The following TFCP2 variants were observed in gnomAD, a reference collection of about 807,000 sequenced individuals.
TFCP2 encodes alpha-globin transcription factor CP2.
In TFCP2, 33 loss-of-function variants were observed where a neutral mutation model predicts 73.4. The ratio of observed to expected loss-of-function variants is 0.45; its 90% confidence interval spans 0.34 to 0.60. The LOEUF (loss-of-function observed/expected upper bound fraction) is 0.60. TFCP2 is among the 20% of genes least tolerant of loss of function. TFCP2 has a pLI of 0.01. For missense variants in TFCP2, 352 were observed against 604.0 expected (o/e 0.58, Z 4.37); for synonymous variants, 193 against 211.6 (o/e 0.91, Z 0.76).
chr12:51,099,142 C>A (rs758377088), intron 12 of TFCP2, among the ~76,000 whole-genome samples: 1 of 151,964 alleles, frequency 6.6e-6, no homozygotes, highest in Non-Finnish European at 1.5e-5. Context: ...TAAAATCCTC[C>A]GCAAAGAGGA....
rs530509951 is a variant in TFCP2, at chr12:51,126,182, G to A, written c.123-7410C>T. Among the ~76,000 whole-genome samples the A allele has an allele frequency of 9.4e-5, 13 of 138,110 alleles. No individual in the cohort carries two copies. The East Asian group carries it at 2.3e-3, about 25-fold the overall frequency. The allele number at this position is 138,110 out of a possible 152,430, so 90.6% of individuals were successfully genotyped here. A position where few individuals can be genotyped will look rare whatever the true frequency, so the allele number is the denominator to read the frequency against. On this transcript the variant is annotated intron_variant, in intron 1 of 14. Coordinates refer to ENST00000257915, the MANE Select transcript of TFCP2 (RefSeq NM_005653.5). The stretch of plus-strand genomic sequence containing the variant: ...CGGGAGGCGGAGCTTGTAGTGAGCC[G>A]AGATTGCGCTACTGCACTCCAGCCT...
chr12:51,136,692 T>G (rs1423475023), intron 1 of TFCP2, among the ~76,000 whole-genome samples: 2 of 152,106 alleles, frequency 1.3e-5, no homozygotes, highest in Non-Finnish European at 2.9e-5. Context: ...TCCCAGCACT[T>G]TGGGAGGCCA....
At chr12:51,099,388 G>C (rs745525087) in intron 12 of TFCP2, among the ~76,000 whole-genome samples, 1 of 150,930 alleles carries the variant, frequency 6.6e-6, no homozygotes, top group Non-Finnish European at 1.5e-5. Context: ...TGAGGGGAGA[G>C]AATCACTTGA....
intron 1 of TFCP2, among the ~76,000 whole-genome samples, chr12:51,168,291 C>T (rs916383268): frequency 6.6e-6 from 1 of 151,968 alleles, no homozygotes; most frequent in African/African-American, 2.4e-5. Flanking sequence ...AGGTGCACTC[C>T]AGCCTAGGGG....
intron 1 of TFCP2, among the ~76,000 whole-genome samples, chr12:51,150,221 C>T (rs1941391703): frequency 6.6e-6 from 1 of 152,030 alleles, no homozygotes; most frequent in South Asian, 2.1e-4. Context: ...AGTTTGAGAC[C>T]AGCCTGGCCA....
intron 1 of TFCP2, among the ~76,000 whole-genome samples, chr12:51,129,351 A>C (rs1224762524): frequency 6.6e-6 from 1 of 151,974 alleles, no homozygotes; most frequent in Non-Finnish European, 1.5e-5. Flanking sequence ...ATCTCTACTA[A>C]AAATACAAAA....
intron 1 of TFCP2, among the ~76,000 whole-genome samples, chr12:51,140,897 A>G (rs1007203509): frequency 5.3e-5 from 8 of 151,914 alleles, no homozygotes; most frequent in Non-Finnish European, 1.0e-4. Context: ...CTCTACTAAA[A>G]ATACAAAAAT....
At chr12:51,158,293 A>G (rs1941579937) in intron 1 of TFCP2, among the ~76,000 whole-genome samples, 1 of 152,094 alleles carries the variant, frequency 6.6e-6, no homozygotes, top group African/African-American at 2.4e-5. Context: ...TTACAGGTAT[A>G]AGCCACCATG....
At chr12:51,149,495 G>C (rs190988341) in intron 1 of TFCP2, among the ~76,000 whole-genome samples, 18 of 152,298 alleles carry the variant, frequency 1.2e-4, no homozygotes, top group Admixed American at 5.9e-4. Flanking sequence ...GACAAGAAAA[G>C]TGTAGGAAAG....
At chr12:51,099,418 C>A (rs1422289466) in intron 12 of TFCP2, among the ~76,000 whole-genome samples, 1 of 150,022 alleles carries the variant, frequency 6.7e-6, no homozygotes, top group African/African-American at 2.5e-5. Context: ...GTCAAGGCTG[C>A]AATGAGTCAT....
At chr12:51,158,365 ACAT>A (rs1308933216) in intron 1 of TFCP2, among the ~76,000 whole-genome samples, 1 of 152,044 alleles carries the variant, frequency 6.6e-6, no homozygotes, top group Non-Finnish European at 1.5e-5. Flanking sequence ...ACTGACCAAA[ACAT>A]CATTATTCAG....
intron 1 of TFCP2, among the ~76,000 whole-genome samples, chr12:51,132,562 G>A (rs892079489): frequency 1.3e-5 from 2 of 151,308 alleles, no homozygotes; most frequent in African/African-American, 4.9e-5. Context: ...TAGAGATGGG[G>A]GTTTCACCAT....
rs1421217968 is a variant in TFCP2 at position 51,117,733 on chromosome 12, T to C, written c.289A>G (p.Ile97Val). ...TYLNQGQSYE[I>V]RMLDNRKLGE... ...AGTTTCCTATTGTCTAGCATTCGAATTTCATAAGACTGTCCTAGAAGAAAA... is the reference window on the plus strand; with the variant it reads ...AGTTTCCTATTGTCTAGCATTCGAACTTCATAAGACTGTCCTAGAAGAAAA... The change falls in exon 3 of 15, where the codon ATT (isoleucine) becomes GTT (valine). Residue 97 changes from isoleucine to valine, a missense_variant. Physicochemically the swap from Ile to Val is conservative, Grantham distance 29 (BLOSUM62 3). Transcript: ENST00000257915. The C allele has an allele frequency of 6.2e-7, 1 of 1,612,060 alleles. No homozygotes were observed. Among genetic ancestry groups the C allele is most frequent in the African/African-American group, 1.3e-5 (1 of 74,896 alleles).
chr12:51,151,297 T>C (rs1941418572), intron 1 of TFCP2, among the ~76,000 whole-genome samples: 4 of 152,312 alleles, frequency 2.6e-5, no homozygotes, highest in African/African-American at 9.6e-5. Context: ...TGGACAGTTT[T>C]TAGGAGAAAA....
intron 10 of TFCP2, 112 bp from the exon 11 acceptor site, chr12:51,102,137 A>T: frequency 1.3e-6 from 1 of 748,530 alleles, no homozygotes; most frequent in Non-Finnish European, 2.2e-6. Context: ...TACAATCCAT[A>T]ATTTTCTTCA....
rs200549952 is a variant in TFCP2, at chr12:51,129,050, T to TA, written c.123-10279dup. 3.9e-3 allele frequency among the ~76,000 whole-genome samples: 601 copies of TA among 152,214 alleles called. 21 individuals carry two copies. The highest frequency in any genetic ancestry group is 0.035 in the Admixed American group (536 of 15,270). The stretch of plus-strand genomic sequence containing the variant: ...GGACAGTGAGAAACAACTAGGCTTT[T>TA]AAAAAAGTCTATTTCAAAGAGACAT... On this transcript the variant is annotated intron_variant, in intron 1 of 14. Coordinates refer to ENST00000257915, the MANE Select transcript of TFCP2 (RefSeq NM_005653.5).
At chr12:51,124,103 T>TC (rs1302230746) in intron 1 of TFCP2, among the ~76,000 whole-genome samples, 5 of 151,436 alleles carry the variant, frequency 3.3e-5, no homozygotes, top group Non-Finnish European at 7.4e-5. Context: ...CTTTTCTTTT[T>TC]TTTTTCTTTT....
chr12:51,164,369 C>A (rs919128733), intron 1 of TFCP2, among the ~76,000 whole-genome samples: 4 of 152,070 alleles, frequency 2.6e-5, no homozygotes, highest in Admixed American at 2.0e-4. Context: ...GAGGCCGAGG[C>A]GGGCAGATCA....
rs1019716474 is a variant in TFCP2 at position 51,094,683 on chromosome 12, T to C, written c.*558A>G. 1 of 152,708 alleles carries C rather than the reference T, an allele frequency of 6.5e-6. No homozygotes were observed. The highest frequency in any genetic ancestry group is 2.4e-5 in the African/African-American group (1 of 41,438). 9.5% of individuals were successfully genotyped at this position (152,708 alleles called of 1,614,324 possible). ...ATCACACTGCCTGGTCAATAAATGT[T>C]AGCTGAAAATACTATTAGTTGTGGT... On this transcript the variant is annotated 3_prime_UTR_variant, in exon 15 of 15. Coordinates refer to ENST00000257915, the MANE Select transcript of TFCP2 (RefSeq NM_005653.5).
Sources: gnomAD v4.1 joint callset for allele counts (sites outside exome capture counted in the v4.1 genomes callset) on GRCh38, gnomAD v4.1.1 for gene constraint, MANE v1.5 for transcripts, NCBI Gene and HGNC (gene_info 2026-07-23, HGNC 2026-07-21) for gene names.